THSD7B: variants seen among roughly 807,000 people sequenced by gnomAD.
THSD7B encodes thrombospondin type 1 domain containing 7B, also known as thrombospondin type-1 domain-containing protein 7B.
In THSD7B, 138 loss-of-function variants were observed where a neutral mutation model predicts 213.6. The ratio of observed to expected loss-of-function variants is 0.65; its 90% CI spans 0.56 to 0.74. THSD7B has a LOEUF of 0.74. Ranked by LOEUF, THSD7B falls within the 30% of genes least tolerant of loss-of-function variation. The pLI, the probability that THSD7B is intolerant of heterozygous loss-of-function variation, is 0.00. For missense variants in THSD7B, 1,931 were observed against 1,991.5 expected, an observed-to-expected ratio of 0.97 and a Z score of 0.58; for synonymous variants, 742 against 687.0, an observed-to-expected ratio of 1.08 and a Z score of -1.25.
chr2:137,531,909 G>A (rs1680405922), intron 15 of THSD7B, among the ~76,000 whole-genome samples: 1 of 151,936 alleles, frequency 6.6e-6, no homozygotes, highest in African/African-American at 2.4e-5. Context: ...ATATCAAGTA[G>A]TATTCCTCAC....
chr2:137,283,416 C>A (rs1248420898), intron 12 of THSD7B, among the ~76,000 whole-genome samples: 1 of 151,260 alleles, frequency 6.6e-6, no homozygotes, highest in African/African-American at 2.4e-5. Context: ...ATTGCCCTGG[C>A]CAGAACTTCC....
At chr2:137,141,013 T>A (rs1304822794) in intron 5 of THSD7B, among the ~76,000 whole-genome samples, 5 of 152,116 alleles carry the variant, frequency 3.3e-5, no homozygotes, top group Non-Finnish European at 7.4e-5. Context: ...GAAAGGAGTG[T>A]TCCAGGCAGA....
intron 1 of THSD7B, among the ~76,000 whole-genome samples, chr2:136,867,376 C>T (rs531165389): frequency 1.4e-4 from 22 of 152,296 alleles, no homozygotes; most frequent in African/African-American, 4.1e-4. Flanking sequence ...ACCTCAGGTG[C>T]AGTTCACCAA....
chr2:137,208,072 G>T (rs1380422280), intron 7 of THSD7B, among the ~76,000 whole-genome samples: 2 of 152,116 alleles, frequency 1.3e-5, no homozygotes, highest in Admixed American at 6.6e-5. Flanking sequence ...ACCGGCTACA[G>T]TGAGAAGTCC....
chr2:137,152,946 T>C (rs1679846728), intron 5 of THSD7B, among the ~76,000 whole-genome samples: 1 of 152,208 alleles, frequency 6.6e-6, no homozygotes, highest in African/African-American at 2.4e-5. Flanking sequence ...TCATCAATAA[T>C]GGTGCTTCTC....
chr2:137,255,458 A>G (rs1682285167), intron 10 of THSD7B, among the ~76,000 whole-genome samples: 1 of 152,104 alleles, frequency 6.6e-6, no homozygotes, highest in South Asian at 2.1e-4. Flanking sequence ...GTAGAGAGTC[A>G]AGGCACAAGA....
chr2:137,378,201 G>C (rs10180601), intron 12 of THSD7B, among the ~76,000 whole-genome samples: 2 of 152,054 alleles, frequency 1.3e-5, no homozygotes, highest in Non-Finnish European at 2.9e-5. Flanking sequence ...CAGGTCTTAC[G>C]TTAGAATGAT....
intron 3 of THSD7B, among the ~76,000 whole-genome samples, chr2:137,076,797 A>T (rs574975347): frequency 2.0e-5 from 3 of 151,832 alleles, no homozygotes; most frequent in Non-Finnish European, 2.9e-5. Flanking sequence ...AAATTTACAG[A>T]TACAGTATAT....
At chr2:137,232,627 C>G (rs892896985) in intron 8 of THSD7B, among the ~76,000 whole-genome samples, 2 of 152,258 alleles carry the variant, frequency 1.3e-5, no homozygotes, top group East Asian at 3.9e-4. Flanking sequence ...GAGATACATG[C>G]TGCAGTGGTG....
intron 1 of THSD7B, among the ~76,000 whole-genome samples, chr2:136,776,830 A>G (rs1397726699): frequency 6.6e-6 from 1 of 152,184 alleles, no homozygotes; most frequent in Admixed American, 6.5e-5. Context: ...ATGCAAGCCC[A>G]TGCACACACT....
chr2:136,842,742 C>A (rs1035552576), intron 1 of THSD7B, among the ~76,000 whole-genome samples: 4 of 152,128 alleles, frequency 2.6e-5, no homozygotes, highest in Non-Finnish European at 4.4e-5. Context: ...GGGAATTCAA[C>A]CTTAGGTTGC....
chr2:137,530,358 C>T (rs895490601), intron 15 of THSD7B, among the ~76,000 whole-genome samples: 1 of 151,904 alleles, frequency 6.6e-6, no homozygotes, highest in Admixed American at 6.6e-5. Context: ...AGCTAAATGA[C>T]CTATCAGGCC....
intron 2 of THSD7B, among the ~76,000 whole-genome samples, chr2:137,048,102 C>T (rs2104868492): frequency 6.6e-6 from 1 of 152,092 alleles, no homozygotes; most frequent in South Asian, 2.1e-4. Flanking sequence ...TGTTCCCCTC[C>T]CAGTGTCCAT....
intron 1 of THSD7B, among the ~76,000 whole-genome samples, chr2:136,878,456 T>A (rs1448520173): frequency 6.6e-6 from 1 of 152,194 alleles, no homozygotes; most frequent in Non-Finnish European, 1.5e-5. Context: ...CTGGGTCAAA[T>A]GGTATTTCTA....
chr2:136,796,681 G>C (rs988052341), intron 1 of THSD7B, among the ~76,000 whole-genome samples: 1 of 151,784 alleles, frequency 6.6e-6, no homozygotes, highest in African/African-American at 2.4e-5. Context: ...ATCAATTCTG[G>C]GAGTTTTGAG....
At position 137,149,721 on chromosome 2, in the gene THSD7B, G is replaced by A. The variant is rs535269173; in HGVS notation, c.1370-10492G>A. On this transcript the variant is annotated intron_variant, in intron 5 of 27. Transcript: ENST00000409968. Reference sequence around the variant, plus strand: ...ATTTCAGACTTGCATGGGGCCTGTAGCCCCTTCATTTTGGCCAATTTTTCC... The same window carrying A: ...ATTTCAGACTTGCATGGGGCCTGTAACCCCTTCATTTTGGCCAATTTTTCC... 9.2e-5 allele frequency among the ~76,000 whole-genome samples: 14 copies of A among 152,288 alleles called. No homozygotes were observed. In the East Asian group the frequency reaches 1.7e-3, roughly 19 times the overall value.
intron 2 of THSD7B, among the ~76,000 whole-genome samples, chr2:137,031,764 T>C (rs1686673656): frequency 6.6e-6 from 1 of 151,924 alleles, no homozygotes; most frequent in African/African-American, 2.4e-5. Context: ...AATTTACCCA[T>C]GTTGCCTCAT....
chr2:137,197,477 T>G (rs1680787064), intron 7 of THSD7B, among the ~76,000 whole-genome samples: 1 of 152,148 alleles, frequency 6.6e-6, no homozygotes, highest in African/African-American at 2.4e-5. Context: ...GTGATCTGGC[T>G]AAATCACCAC....
At chr2:137,017,924 T>A (rs981903895) in intron 2 of THSD7B, among the ~76,000 whole-genome samples, 9 of 152,100 alleles carry the variant, frequency 5.9e-5, no homozygotes, top group Admixed American at 5.2e-4. Flanking sequence ...CCAAAACTTC[T>A]GTTACATAAA....
Sources: gnomAD v4.1 joint callset for allele counts (sites outside exome capture counted in the v4.1 genomes callset) on GRCh38, gnomAD v4.1.1 for gene constraint, MANE v1.5 for transcripts, NCBI Gene and HGNC (gene_info 2026-07-23, HGNC 2026-07-21) for gene names.